MYO5B: variants seen among roughly 807,000 people sequenced by gnomAD.
The protein encoded by MYO5B is unconventional myosin-Vb.
A neutral mutation model predicts 229.3 loss-of-function variants in MYO5B; 143 were observed. That is an observed-to-expected ratio of 0.62 (90% CI 0.54 to 0.72). The LOEUF is 0.72. MYO5B is among the 30% of genes least tolerant of loss of function. The pLI is 0.00. For synonymous variants in MYO5B, 918 were observed against 885.2 expected (o/e 1.04, Z -0.66); for missense variants, 2,321 against 2,331.0 (o/e 1.00, Z 0.09).
chr18:49,965,619 T>G (rs1598917307), intron 10 of MYO5B, among the ~76,000 whole-genome samples: 1 of 152,232 alleles, frequency 6.6e-6, no homozygotes, highest in East Asian at 1.9e-4. Context: ...TAGGCCTTAT[T>G]ATTAATCCCA....
In MYO5B at chr18:49,963,030, C is replaced by T. The variant is rs960735356; in HGVS notation, c.1323G>A (p.Gly441=). 1.9e-6 allele frequency: 3 copies of T among 1,613,020 alleles called. No homozygotes were observed. The African/African-American group carries it at 4.0e-5, about 22-fold the overall frequency. The change falls in exon 11 of 40, where the codon GGG becomes GGA. Residue 441 remains glycine, a splice_region_variant and synonymous_variant. Transcript: ENST00000285039. ...HSFIGVLDIY[G]FETFEVNSFE... is the part of the protein sequence containing the mutation. ...AGCTGTTTACCTCAAATGTCTCAAACCTACAGAATGGAAAGAGAAGATAAG... is the reference window on the plus strand; with the variant it reads ...AGCTGTTTACCTCAAATGTCTCAAATCTACAGAATGGAAAGAGAAGATAAG...
intron 35 of MYO5B, among the ~76,000 whole-genome samples, chr18:49,840,836 G>A (rs944271169): frequency 2.6e-5 from 4 of 152,240 alleles, no homozygotes; most frequent in Admixed American, 1.3e-4. Context: ...TGGGCCTCAG[G>A]TCAAGGAATC....
At chr18:49,985,514 A>T (rs1292607469) in intron 7 of MYO5B, among the ~76,000 whole-genome samples, 1 of 152,236 alleles carries the variant, frequency 6.6e-6, no homozygotes, top group East Asian at 1.9e-4. Flanking sequence ...CCCTACAAAG[A>T]GGACGGCAGA....
At position 50,125,117 on chromosome 18, in the gene MYO5B, G is replaced by T. The variant is rs144051342; in HGVS notation, c.27+69650C>A. ...CCCAGGGTCTCCAAGCCATTTGAAT[G>T]GTATTGAACAGAGCGCAAACCTACC... is the stretch of plus-strand genomic sequence containing the variant. On this transcript the variant is annotated intron_variant, in intron 1 of 39. Coordinates refer to ENST00000285039, the MANE Select transcript of MYO5B (RefSeq NM_001080467.3). Among the ~76,000 whole-genome samples the T allele has an allele frequency of 1.6e-4, 25 of 152,222 alleles. No individual in the cohort carries two copies. In the East Asian group the frequency reaches 4.6e-3, roughly 28 times the overall value.
intron 31 of MYO5B, 199 bp from the exon 32 acceptor site, chr18:49,849,859 T>C (rs1461690983): frequency 3.2e-6 from 2 of 624,272 alleles, no homozygotes; most frequent in Non-Finnish European, 5.8e-6. Flanking sequence ...TGGGAGATGA[T>C]GAGTCAGAGT....
chr18:49,979,943 G>T (rs1011990103), intron 9 of MYO5B, among the ~76,000 whole-genome samples: 4 of 152,164 alleles, frequency 2.6e-5, no homozygotes, highest in African/African-American at 4.8e-5. Context: ...GAGCCTTCAC[G>T]GAGCACTTGA....
intron 16 of MYO5B, among the ~76,000 whole-genome samples, chr18:49,932,795 C>T (rs78403452): frequency 3.3e-5 from 5 of 152,154 alleles, no homozygotes; most frequent in African/African-American, 9.7e-5. Context: ...GGGAGGCCAG[C>T]TGGCCTTCTG....
chr18:50,117,212 T>C (rs1326310110), intron 1 of MYO5B, among the ~76,000 whole-genome samples: 1 of 151,776 alleles, frequency 6.6e-6, no homozygotes, highest in Non-Finnish European at 1.5e-5. Flanking sequence ...CAAGCCCCTA[T>C]AAAAAAGGGC....
At chr18:50,148,096 C>T (rs8091385) in intron 1 of MYO5B, among the ~76,000 whole-genome samples, 4 of 147,418 alleles carry the variant, frequency 2.7e-5, no homozygotes, top group Admixed American at 1.3e-4. Flanking sequence ...GAAATGGATA[C>T]ATTCCTCGAC....
rs558102155 is a variant in MYO5B at position 50,126,090 on chromosome 18, T to C, written c.27+68677A>G. 5.3e-5 allele frequency among the ~76,000 whole-genome samples: 8 copies of C among 152,358 alleles called. No homozygotes were observed. In the South Asian group the frequency reaches 1.7e-3, roughly 32 times the overall value. Reference sequence around the variant, plus strand: ...GTCGTGATTGCACACAATGTGAACGTACTTAATGCCACTGAACTGTATACT... The same window carrying C: ...GTCGTGATTGCACACAATGTGAACGCACTTAATGCCACTGAACTGTATACT... On this transcript the variant is annotated intron_variant, in intron 1 of 39. Coordinates refer to ENST00000285039, the MANE Select transcript of MYO5B (RefSeq NM_001080467.3).
chr18:49,929,435 C>T, intron 17 of MYO5B, 77 bp downstream of exon 17: 1 of 1,217,408 alleles, frequency 8.2e-7, no homozygotes, highest in Admixed American at 2.1e-5. Context: ...CGACGGTACA[C>T]AGAGGGCTCC....
intron 7 of MYO5B, among the ~76,000 whole-genome samples, chr18:49,988,250 C>T (rs1176599247): frequency 2.0e-5 from 3 of 152,180 alleles, no homozygotes; most frequent in African/African-American, 4.8e-5. Flanking sequence ...TTCAGCTACT[C>T]GACTAGGGTT....
At chr18:49,932,785 G>A (rs961488440) in intron 16 of MYO5B, among the ~76,000 whole-genome samples, 2 of 152,136 alleles carry the variant, frequency 1.3e-5, no homozygotes, top group Admixed American at 6.5e-5. Flanking sequence ...AAGGGGATAT[G>A]GGAGGCCAGC....
intron 16 of MYO5B, among the ~76,000 whole-genome samples, chr18:49,930,993 C>G (rs753090922): frequency 2.0e-5 from 3 of 151,984 alleles, no homozygotes; most frequent in Non-Finnish European, 4.4e-5. Context: ...ATTAAGGCAA[C>G]CTAGAATTAA....
intron 14 of MYO5B, among the ~76,000 whole-genome samples, chr18:49,952,172 C>T (rs964190569): frequency 1.3e-5 from 2 of 152,188 alleles, no homozygotes; most frequent in Admixed American, 6.5e-5. Flanking sequence ...TGTCCTGGGT[C>T]CATTTTGCTG....
intron 27 of MYO5B, 51 bp from the exon 28 acceptor site, chr18:49,864,431 C>G: frequency 6.2e-7 from 1 of 1,602,420 alleles, no homozygotes; most frequent in Non-Finnish European, 8.5e-7. Flanking sequence ...CTAGGGCTCT[C>G]TCCCTGTGTG....
In MYO5B at chr18:49,980,488, C is replaced by T. The variant is rs2025802331; in HGVS notation, c.1012G>A (p.Val338Met). 3 of 1,613,964 alleles carry T rather than the reference C, an allele frequency of 1.9e-6. No individual in the cohort carries two copies. Among genetic ancestry groups the T allele is most frequent in the South Asian group, 2.2e-5 (2 of 91,086 alleles). The change falls in exon 9 of 40, where the codon GTG becomes ATG. Residue 338 changes from valine (V) to methionine (M), a missense_variant. Coordinates refer to ENST00000285039, the MANE Select transcript of MYO5B (RefSeq NM_001080467.3). ...CCATCACGCTCAGCCTGAATCGCCA[C>T]ACTTCCAAGGTGCAAGATAGAAGCA... is the stretch of plus-strand genomic sequence containing the variant. ...IIASILHLGS[V>M]AIQAERDGDS...
At position 50,170,602 on chromosome 18, in the gene MYO5B, T is replaced by C. The variant is rs1444182081; in HGVS notation, c.27+24165A>G. 3.1e-5 allele frequency among the ~76,000 whole-genome samples: 4 copies of C among 127,034 alleles called. 2 individuals carry two copies. The highest frequency in any genetic ancestry group is 1.2e-4 in the African/African-American group (4 of 33,466). The allele number at this position is 127,034 out of a possible 152,430, so 83.3% of individuals were successfully genotyped here. A position where few individuals can be genotyped will look rare whatever the true frequency, so the allele number is the denominator to read the frequency against. On this transcript the variant is annotated intron_variant, in intron 1 of 39. Coordinates refer to ENST00000285039, the MANE Select transcript of MYO5B (RefSeq NM_001080467.3). ...GCTTTCTTCTCACTCCGAACAGTAC[T>C]GTGGGGTGACTCCAGTTGTTTCCAT... is the stretch of plus-strand genomic sequence containing the variant.
In MYO5B at chr18:49,898,169, C is replaced by A. The variant is rs556481701; in HGVS notation, c.2812-2995G>T. 2.0e-5 allele frequency among the ~76,000 whole-genome samples: 3 copies of A among 152,320 alleles called. No individual in the cohort carries two copies. The East Asian group carries it at 5.8e-4, about 29-fold the overall frequency. On this transcript the variant is annotated intron_variant, in intron 21 of 39. Coordinates refer to ENST00000285039, the MANE Select transcript of MYO5B (RefSeq NM_001080467.3). ...GAAATCTATGATGTTCACACAACTACAAACTCACCTAACGATGCATTTCTC... is the reference window on the plus strand; with the variant it reads ...GAAATCTATGATGTTCACACAACTAAAAACTCACCTAACGATGCATTTCTC...
Sources: allele counts gnomAD v4.1 joint callset (sites outside exome capture counted in the v4.1 genomes callset), GRCh38; gene constraint gnomAD v4.1.1; transcripts MANE v1.5; gene names NCBI Gene and HGNC (gene_info 2026-07-23, HGNC 2026-07-21).